ADH7: variants seen among roughly 807,000 people sequenced by gnomAD.
ADH7 encodes alcohol dehydrogenase 7 (class IV), mu or sigma polypeptide, also known as all-trans-retinol dehydrogenase [NAD(+)] ADH7.
In ADH7, 41 loss-of-function variants were observed where a neutral mutation model predicts 34.4. The ratio of observed to expected loss-of-function variants is 1.19; its 90% confidence interval spans 0.93 to 1.55. The LOEUF is 1.55. Among genes scored for constraint, ADH7 ranks in the 40% most tolerant of loss-of-function variants. ADH7 has a pLI of 0.00. For synonymous variants in ADH7, 180 were observed against 160.9 expected (o/e 1.12, Z -0.90); for missense variants, 540 against 461.2 (o/e 1.17, Z -1.56).
At chr4:99,433,383 A>G (rs1349104727) in intron 1 of ADH7, among the ~76,000 whole-genome samples, 2 of 152,208 alleles carry the variant, frequency 1.3e-5, no homozygotes, top group African/African-American at 4.8e-5. Context: ...TACATAAACT[A>G]TGGATGGAAA....
chr4:99,425,328 A>C (rs1721774397), intron 5 of ADH7, among the ~76,000 whole-genome samples: 1 of 152,200 alleles, frequency 6.6e-6, no homozygotes, highest in South Asian at 2.1e-4. Flanking sequence ...TCACGTGCAG[A>C]GACACACATA....
intron 1 of ADH7, among the ~76,000 whole-genome samples, chr4:99,433,706 C>T (rs539519608): frequency 6.6e-6 from 1 of 152,016 alleles, no homozygotes; most frequent in South Asian, 2.1e-4. Flanking sequence ...GTGAAGACAG[C>T]GAGAAGAGGG....
In ADH7 at chr4:99,428,188, A is replaced by T; in HGVS notation, c.260-14T>A. 6.2e-7 allele frequency: 1 copy of T among 1,600,990 alleles called. No individual in the cohort carries two copies. Among genetic ancestry groups the T allele is most frequent in the Non-Finnish European group, 8.6e-7 (1 of 1,168,210 alleles). ...TGACTTTGTCACCTACAGGAAAAAA[A>T]TCATGATATAAGATGCTGTTCATTA... On this transcript the variant is annotated splice_polypyrimidine_tract_variant and intron_variant, in intron 3 of 8. Coordinates refer to ENST00000437033, the MANE Select transcript of ADH7 (RefSeq NM_000673.7).
In ADH7 at chr4:99,428,958, C is replaced by G. The variant is rs545346174; in HGVS notation, c.121-328G>C. 3.3e-5 allele frequency among the ~76,000 whole-genome samples: 5 copies of G among 152,292 alleles called. No individual in the cohort carries two copies. In the South Asian group the frequency reaches 1.0e-3, roughly 32 times the overall value. Reference sequence around the variant, plus strand: ...TTTTTATAGCTAGGCCCTTATTGGGCTCTCTTAACAAAGAACAGAGGAAAT... The same window carrying G: ...TTTTTATAGCTAGGCCCTTATTGGGGTCTCTTAACAAAGAACAGAGGAAAT... On this transcript the variant is annotated intron_variant, in intron 2 of 8. Transcript: ENST00000437033.
chr4:99,420,788 T>A lies in ADH7; in HGVS notation c.570A>T (p.Lys190Asn). The A allele has an allele frequency of 6.2e-7, 1 of 1,613,750 alleles. No individual in the cohort carries two copies. The highest frequency in any genetic ancestry group is 1.3e-5 in the African/African-American group (1 of 75,026). Reference sequence around the variant, plus strand: ...CAAAGACGACGCAAGTGGAACCAGGTTTGACCTGTGGAGAGGAATGTTCTT... The same window carrying A: ...CAAAGACGACGCAAGTGGAACCAGGATTGACCTGTGGAGAGGAATGTTCTT... ...YGAAVKTGKV[K>N]PGSTCVVFGL... Residue 190 changes from lysine to asparagine, a missense_variant, in exon 6 of 9, where the codon AAA becomes AAT. Transcript: ENST00000437033.
chr4:99,413,273 T>A, intron 8 of ADH7, 101 bp from the exon 9 acceptor site: 2 of 1,310,964 alleles, frequency 1.5e-6, no homozygotes, highest in Non-Finnish European at 2.2e-6. Context: ...AAACTTCAAG[T>A]AAATTCTGTT....
intron 2 of ADH7, among the ~76,000 whole-genome samples, chr4:99,429,311 T>A (rs753271844): frequency 1.5e-4 from 23 of 152,200 alleles, no homozygotes; most frequent in Non-Finnish European, 1.8e-4. Flanking sequence ...AAAGGTATAA[T>A]AAAGCATGTT....
At position 99,429,748 on chromosome 4, in the gene ADH7, T is replaced by G. The variant is rs150571309; in HGVS notation, c.19-115A>C. The G allele has an allele frequency of 9.6e-6, 7 of 729,648 alleles. No individual in the cohort carries two copies. In the East Asian group the frequency reaches 2.0e-4, roughly 20 times the overall value. The allele number at this position is 729,648 out of a possible 1,614,324, so 45.2% of individuals were successfully genotyped here. The stretch of plus-strand genomic sequence containing the variant: ...ATATAATATTTTAAGTTTTCCAGAA[T>G]GATTTTCATCAAACACTAGTATTAT... On this transcript the variant is annotated intron_variant, in intron 1 of 8. Transcript: ENST00000437033.
intron 7 of ADH7, chr4:99,415,876 A>G: frequency 4.1e-6 from 1 of 243,474 alleles, no homozygotes. Flanking sequence ...ACAGGAACAA[A>G]AAACCAAACA....
chr4:99,415,902 C>T (rs926790424), intron 7 of ADH7: 2 of 198,846 alleles, frequency 1.0e-5, no homozygotes, highest in Non-Finnish European at 2.1e-5. Context: ...CGTTCTCACT[C>T]GTAAGTGGGA....
intron 5 of ADH7, among the ~76,000 whole-genome samples, chr4:99,422,413 A>G (rs1399775159): frequency 1.3e-5 from 2 of 152,178 alleles, no homozygotes; most frequent in East Asian, 3.8e-4. Context: ...ACAGAAAACC[A>G]AACACCACAT....
At chr4:99,414,312 C>T (rs2110131703) in intron 8 of ADH7, among the ~76,000 whole-genome samples, 1 of 152,056 alleles carries the variant, frequency 6.6e-6, no homozygotes, top group Non-Finnish European at 1.5e-5. Flanking sequence ...ATTGAAAAAT[C>T]TCTCAGGTAA....
In ADH7 at chr4:99,429,527, C is replaced by G; in HGVS notation, c.120+5G>C. The G allele has an allele frequency of 6.2e-7, 1 of 1,607,402 alleles. No individual in the cohort carries two copies. Among genetic ancestry groups the G allele is most frequent in the Non-Finnish European group, 8.5e-7 (1 of 1,175,732 alleles). On this transcript the variant is annotated splice_donor_5th_base_variant and intron_variant, in intron 2 of 8. Coordinates refer to ENST00000437033, the MANE Select transcript of ADH7 (RefSeq NM_000673.7). ...TGGCTTAAGTTCTCTAGGGCTCACG[C>G]TTACCTTAATGCGAACTTCTTTAGT...
At chr4:99,435,115 A>G (rs186572020) in intron 1 of ADH7, 101 bp downstream of exon 1, 2 of 1,554,122 alleles carry the variant, frequency 1.3e-6, no homozygotes, top group African/African-American at 2.7e-5. Flanking sequence ...TCCTCAAGGA[A>G]TATCTCCAAG....
chr4:99,435,233 TC>T lies in ADH7; in HGVS notation c.-1del. 3.1e-6 allele frequency: 5 copies of T among 1,613,488 alleles called. No individual in the cohort carries two copies. Among genetic ancestry groups the T allele is most frequent in the Non-Finnish European group, 4.2e-6 (5 of 1,179,752 alleles). On this transcript the variant is annotated 5_prime_UTR_variant, in exon 1 of 9. Transcript: ENST00000437033. ...CCACTTACTTTTCCAGCAGTGCCCA[TC>T]CTGTCTTTGTCTTGGATCTGTATTT...
At chr4:99,425,317 C>A (rs1403800159) in intron 5 of ADH7, among the ~76,000 whole-genome samples, 1 of 152,090 alleles carries the variant, frequency 6.6e-6, no homozygotes, top group Non-Finnish European at 1.5e-5. Flanking sequence ...GGAGACCCAT[C>A]TCACGTGCAG....
At chr4:99,432,488 A>G (rs1208479982) in intron 1 of ADH7, 1 of 152,234 alleles carries the variant, frequency 6.6e-6, no homozygotes, top group Non-Finnish European at 1.5e-5. Flanking sequence ...AAAGTCATAA[A>G]GGAAACAGCT....
In ADH7 at chr4:99,417,224, T is replaced by G. The variant is rs191028656; in HGVS notation, c.962-1608A>C. 4.0e-3 allele frequency among the ~76,000 whole-genome samples: 608 copies of G among 152,156 alleles called. 6 individuals carry two copies. The highest frequency in any genetic ancestry group is 0.014 in the African/African-American group (572 of 41,512). On this transcript the variant is annotated intron_variant, in intron 7 of 8. Transcript: ENST00000437033. ...CCCTCAGAAGCCTCTGTGGTTTTAT[T>G]TCTCTCTCAGAATAAACTCCTAAAA...
chr4:99,416,531 C>T (rs1721519299), intron 7 of ADH7, among the ~76,000 whole-genome samples: 1 of 152,172 alleles, frequency 6.6e-6, no homozygotes, highest in South Asian at 2.1e-4. Context: ...ATCATTGTCA[C>T]TTTCCTTGCT....
Sources: gnomAD v4.1 joint callset for allele counts (sites outside exome capture counted in the v4.1 genomes callset) on GRCh38, gnomAD v4.1.1 for gene constraint, MANE v1.5 for transcripts, NCBI Gene and HGNC (gene_info 2026-07-23, HGNC 2026-07-21) for gene names.